Variants in ABCA13 observed in about 807,000 individuals in gnomAD.
ABCA13 encodes the protein ATP binding cassette subfamily A member 13, also known as ATP-binding cassette sub-family A member 13.
In ABCA13, 476 loss-of-function variants were observed where a neutral mutation model predicts 478.7. That is an observed-to-expected ratio of 0.99 (90% confidence interval 0.92 to 1.07). The LOEUF is 1.07. Ranked by LOEUF, ABCA13 falls within the 50% of genes least tolerant of loss-of-function variation. ABCA13 has a pLI of 0.00. For synonymous variants in ABCA13, 2,252 were observed against 2,158.9 expected (o/e 1.04, Z -1.20); for missense variants, 6,060 against 5,910.6 (o/e 1.03, Z -0.83).
chr7:48,284,208 A>G (rs1364448362), intron 19 of ABCA13, among the ~76,000 whole-genome samples: 1 of 152,212 alleles, frequency 6.6e-6, no homozygotes, highest in Non-Finnish European at 1.5e-5. Flanking sequence ...TTTGAACAGA[A>G]GAATTGATTG....
intron 45 of ABCA13, among the ~76,000 whole-genome samples, chr7:48,474,074 T>C (rs1038755456): frequency 5.3e-5 from 8 of 152,182 alleles, no homozygotes; most frequent in African/African-American, 1.2e-4. Context: ...TTGTTTTTTT[T>C]CCCCTGGTCT....
chr7:48,591,385 G>C (rs776260091), intron 57 of ABCA13, among the ~76,000 whole-genome samples: 2 of 151,902 alleles, frequency 1.3e-5, no homozygotes, highest in Admixed American at 6.6e-5. Context: ...TAGCATAGTA[G>C]TATATTTTGA....
Position 48,589,689 on chromosome 7 carries a change from C to G in ABCA13, c.14640+2401C>G, listed in dbSNP as rs143269157. On this transcript the variant is annotated intron_variant, in intron 57 of 61. Transcript: ENST00000435803. ...AACAGACTGGATAATTTATAAAGAACAGAGAACAGAAATTCAGGTTTTGGA... is the reference window on the plus strand; with the variant it reads ...AACAGACTGGATAATTTATAAAGAAGAGAGAACAGAAATTCAGGTTTTGGA... 1.9e-3 allele frequency among the ~76,000 whole-genome samples: 282 copies of G among 152,236 alleles called. 1 individual carries two copies. The highest frequency in any genetic ancestry group is 6.4e-3 in the African/African-American group (266 of 41,532).
Position 48,455,224 on chromosome 7 carries a change from C to A in ABCA13, c.12753C>A (p.Thr4251=). 6.2e-7 allele frequency: 1 copy of A among 1,602,508 alleles called. No individual in the cohort carries two copies. Among genetic ancestry groups the A allele is most frequent in the East Asian group, 2.3e-5 (1 of 44,362 alleles). ...TGTTCATGGTGAGACCCCTGGCCAC[C>A]GAGTACCCTCCCCTCAGACTCACAC... The part of the protein sequence containing the change: ...MGLFMVRPLA[T]EYPPLRLTPG... Residue 4251 remains threonine (T), a synonymous_variant, in exon 43 of 62, where the codon ACC becomes ACA. Transcript: ENST00000435803.
In ABCA13 at chr7:48,240,918, A is replaced by G. The variant is rs376690879; in HGVS notation, c.1114A>G (p.Met372Val). Residue 372 changes from methionine (M) to valine (V), a missense_variant, in exon 10 of 62, where the codon ATG (methionine) becomes GTG (valine). Coordinates refer to ENST00000435803, the MANE Select transcript of ABCA13 (RefSeq NM_152701.5). Reference sequence around the variant, plus strand: ...CCTGCTTCAGAAGACACTCACAGGCATGGGCCATAGTCTGGAGGCTCTCAG... The same window carrying G: ...CCTGCTTCAGAAGACACTCACAGGCGTGGGCCATAGTCTGGAGGCTCTCAG... ...GSLLQKTLTG[M>V]GHSLEALRNQ... 2 of 1,610,982 alleles carry G rather than the reference A, an allele frequency of 1.2e-6. No homozygotes were observed. Among genetic ancestry groups the G allele is most frequent in the South Asian group, 2.2e-5 (2 of 90,644 alleles).
intron 1 of ABCA13, among the ~76,000 whole-genome samples, chr7:48,175,810 C>T (rs1164358457): frequency 6.6e-6 from 1 of 152,114 alleles, no homozygotes; most frequent in Non-Finnish European, 1.5e-5. Flanking sequence ...AATTTTGTAT[C>T]CTTTAATAAA....
chr7:48,230,116 TA>T (rs1274168812), intron 7 of ABCA13, among the ~76,000 whole-genome samples, 161 bp downstream of exon 7: 1 of 152,238 alleles, frequency 6.6e-6, no homozygotes, highest in African/African-American at 2.4e-5. Context: ...AAAAATAGAA[TA>T]AAAATTTTGA....
At chr7:48,518,435 C>A (rs905331942) in intron 52 of ABCA13, among the ~76,000 whole-genome samples, 2 of 152,098 alleles carry the variant, frequency 1.3e-5, no homozygotes, top group African/African-American at 4.8e-5. Flanking sequence ...AGGAAGCTGA[C>A]CAGGAACCTT....
intron 10 of ABCA13, 108 bp from the exon 11 acceptor site, chr7:48,244,468 C>A: frequency 7.5e-7 from 1 of 1,339,696 alleles, no homozygotes; most frequent in Non-Finnish European, 1.0e-6. Context: ...CTAGTGAACA[C>A]ACTTCTCAAA....
chr7:48,413,980 G>C (rs1395188725), intron 41 of ABCA13, among the ~76,000 whole-genome samples: 1 of 152,130 alleles, frequency 6.6e-6, no homozygotes, highest in Non-Finnish European at 1.5e-5. Context: ...CTCTAAATTA[G>C]CCCATACCTT....
At chr7:48,631,766 G>A (rs1464793673) in intron 59 of ABCA13, among the ~76,000 whole-genome samples, 1 of 151,912 alleles carries the variant, frequency 6.6e-6, no homozygotes, top group Non-Finnish European at 1.5e-5. Context: ...TAGAAATGTG[G>A]TCATTTTTAT....
At chr7:48,513,708 T>C (rs1325522340) in intron 51 of ABCA13, among the ~76,000 whole-genome samples, 1 of 152,114 alleles carries the variant, frequency 6.6e-6, no homozygotes, top group Admixed American at 6.5e-5. Flanking sequence ...AATAAAAGCC[T>C]GGAGATTGTT....
Position 48,594,720 on chromosome 7 carries a change from G to C in ABCA13, c.14651G>C (p.Ser4884Thr). The change falls in exon 58 of 62, where the codon AGC becomes ACC. Residue 4884 changes from serine to threonine, a missense_variant. Around this residue, in one of 3 missense-constraint regions of ABCA13, gnomAD observed 1,627 missense variants for 1,571.0 expected, o/e 1.04. Transcript: ENST00000435803. Reference sequence around the variant, plus strand: ...TTGCCTTTCCTTCAGGATGAGCCCAGCTCTGGGATGGATCCCTGCTCTAAG... The same window carrying C: ...TTGCCTTTCCTTCAGGATGAGCCCACCTCTGGGATGGATCCCTGCTCTAAG... ...KPDILLLDEP[S>T]SGMDPCSKRY... 6.2e-7 allele frequency: 1 copy of C among 1,613,870 alleles called. No homozygotes were observed. Among genetic ancestry groups the C allele is most frequent in the Non-Finnish European group, 8.5e-7 (1 of 1,179,796 alleles).
intron 23 of ABCA13, among the ~76,000 whole-genome samples, chr7:48,302,263 T>G (rs1431796316): frequency 6.6e-6 from 1 of 152,240 alleles, no homozygotes; most frequent in Non-Finnish European, 1.5e-5. Flanking sequence ...TTTTTAAACC[T>G]TAATTCCCCA....
chr7:48,482,954 G>T, intron 46 of ABCA13, 122 bp from the exon 47 acceptor site: 1 of 702,168 alleles, frequency 1.4e-6, no homozygotes, highest in Admixed American at 3.1e-5. Flanking sequence ...ACAGACCACA[G>T]ATGCTCAGTT....
At chr7:48,641,175 G>A (rs764150817) in intron 59 of ABCA13, among the ~76,000 whole-genome samples, 1 of 152,116 alleles carries the variant, frequency 6.6e-6, no homozygotes, top group African/African-American at 2.4e-5. Flanking sequence ...TATACTTAAA[G>A]GGCTGCAGTT....
At chr7:48,301,560 A>G (rs1800161084) in intron 23 of ABCA13, among the ~76,000 whole-genome samples, 1 of 151,994 alleles carries the variant, frequency 6.6e-6, no homozygotes, top group Non-Finnish European at 1.5e-5. Context: ...AAAGTAATTA[A>G]TGTGTGACTA....
chr7:48,438,682 T>G, intron 42 of ABCA13, among the ~76,000 whole-genome samples: 1 of 152,006 alleles, frequency 6.6e-6, no homozygotes, highest in Non-Finnish European at 1.5e-5. Flanking sequence ...GTTTCTTTAC[T>G]GATTTTTTGT....
intron 48 of ABCA13, among the ~76,000 whole-genome samples, chr7:48,504,096 GA>G (rs1830991533): frequency 6.6e-6 from 1 of 152,172 alleles, no homozygotes; most frequent in African/African-American, 2.4e-5. Context: ...GCGTTGGACA[GA>G]CATGAGGCAG....
Sources: allele counts gnomAD v4.1 joint callset (sites outside exome capture counted in the v4.1 genomes callset), GRCh38; gene constraint gnomAD v4.1.1; regional missense constraint gnomAD v4.1.1; transcripts MANE v1.5; gene names NCBI Gene and HGNC (gene_info 2026-07-23, HGNC 2026-07-21).